Variants in TBC1D19 observed in about 807,000 individuals in gnomAD.
TBC1D19 encodes TBC1 domain family member 19.
A neutral mutation model predicts 89.0 loss-of-function variants in TBC1D19; 60 were observed. That is an observed-to-expected ratio of 0.67 (90% CI 0.55 to 0.84). TBC1D19 has a LOEUF of 0.84. TBC1D19 is among the 40% of genes least tolerant of loss of function. TBC1D19 has a pLI of 0.00. For synonymous variants in TBC1D19, 189 were observed against 199.7 expected (o/e 0.95, Z 0.45); for missense variants, 500 against 610.8 (o/e 0.82, Z 1.91).
chr4:26,730,526 T>TA (rs1485281429), intron 15 of TBC1D19, among the ~76,000 whole-genome samples: 1 of 152,208 alleles, frequency 6.6e-6, no homozygotes, highest in African/African-American at 2.4e-5. Context: ...GAGGCCCACC[T>TA]ACCATAAGTC....
intron 7 of TBC1D19, among the ~76,000 whole-genome samples, chr4:26,656,120 GA>G: frequency 6.6e-6 from 1 of 151,556 alleles, no homozygotes; most frequent in Admixed American, 6.6e-5. Flanking sequence ...CATGTTATTA[GA>G]AAAATAAAAA....
chr4:26,655,035 G>C (rs1050844859), intron 7 of TBC1D19, among the ~76,000 whole-genome samples: 1 of 152,122 alleles, frequency 6.6e-6, no homozygotes, highest in Non-Finnish European at 1.5e-5. Context: ...TGATGGTGAC[G>C]TACAGATGGG....
At chr4:26,827,414 G>A in the TBC1D19 span, among the ~76,000 whole-genome samples, 2 of 152,106 alleles carry the variant, frequency 1.3e-5, no homozygotes, top group Admixed American at 1.3e-4. Flanking sequence ...AGACCAGCCT[G>A]GCCAACATGG....
At chr4:26,663,158 G>C (rs567499297) in intron 8 of TBC1D19, 2 of 152,160 alleles carry the variant, frequency 1.3e-5, no homozygotes, top group East Asian at 3.9e-4. Flanking sequence ...AGTTGTTATG[G>C]GTTTAAGAAA....
chr4:26,641,532 C>G (rs750156111), intron 7 of TBC1D19, among the ~76,000 whole-genome samples: 1 of 152,176 alleles, frequency 6.6e-6, no homozygotes, highest in Non-Finnish European at 1.5e-5. Flanking sequence ...TCCAAAGGAT[C>G]GCAGCTCCTT....
At chr4:26,612,278 C>G (rs551919046) in intron 1 of TBC1D19, among the ~76,000 whole-genome samples, 1,565 of 151,302 alleles carry the variant, frequency 0.01, 10 homozygotes, top group Middle Eastern at 0.027. Flanking sequence ...AATCTCACTG[C>G]CACCAGTGCC....
the TBC1D19 span, among the ~76,000 whole-genome samples, chr4:26,814,474 G>C: frequency 6.6e-6 from 1 of 152,192 alleles, no homozygotes; most frequent in Non-Finnish European, 1.5e-5. Context: ...CCTACTCTGA[G>C]ATCAGACGTG....
At chr4:26,696,881 C>A (rs1176638837) in intron 13 of TBC1D19, among the ~76,000 whole-genome samples, 1 of 152,156 alleles carries the variant, frequency 6.6e-6, no homozygotes, top group African/African-American at 2.4e-5. Flanking sequence ...AAATTTATAG[C>A]ACTAAATGCC....
chr4:26,681,468 G>C (rs575648089), intron 11 of TBC1D19, among the ~76,000 whole-genome samples: 2 of 151,884 alleles, frequency 1.3e-5, no homozygotes, highest in Non-Finnish European at 2.9e-5. Flanking sequence ...GGAGAATGGC[G>C]TGAACCCAGG....
the TBC1D19 span, among the ~76,000 whole-genome samples, chr4:26,778,556 G>A: frequency 2.0e-5 from 3 of 152,124 alleles, no homozygotes; most frequent in African/African-American, 7.2e-5. Flanking sequence ...CAGAACCGAG[G>A]TCTGCTCAAC....
At chr4:26,773,348 G>A in the TBC1D19 span, among the ~76,000 whole-genome samples, 1 of 152,116 alleles carries the variant, frequency 6.6e-6, no homozygotes, top group Non-Finnish European at 1.5e-5. Context: ...TATGTTTCTT[G>A]TAGATTCTGG....
chr4:26,753,968 A>G, intron 20 of TBC1D19, 78 bp downstream of exon 20: 2 of 1,505,096 alleles, frequency 1.3e-6, no homozygotes, highest in Non-Finnish European at 1.8e-6. Context: ...TGTCTGTTGC[A>G]TAGGACACGC....
chr4:26,812,690 C>T, the TBC1D19 span, among the ~76,000 whole-genome samples: 3 of 151,960 alleles, frequency 2.0e-5, no homozygotes, highest in African/African-American at 7.3e-5. The surrounding 1 kb of genome is among the most constrained non-coding windows in gnomAD (Gnocchi z 4.2). Context: ...TTGCCATCCT[C>T]TTTTATCTTT....
intron 15 of TBC1D19, among the ~76,000 whole-genome samples, chr4:26,731,302 T>C (rs1253233407): frequency 6.6e-6 from 1 of 152,116 alleles, no homozygotes; most frequent in Non-Finnish European, 1.5e-5. Context: ...CCTATAGCCC[T>C]TGTCTTGCAC....
At chr4:26,817,990 A>ATATATATATATATATATATATATG in the TBC1D19 span, among the ~76,000 whole-genome samples, 1 of 144,262 alleles carries the variant, frequency 6.9e-6, no homozygotes, top group Non-Finnish European at 1.5e-5. Context: ...AAATATATAT[A>ATATATATATATATATATATATATG]TATATATATA....
At chr4:26,693,606 G>T (rs1714487507) in intron 13 of TBC1D19, among the ~76,000 whole-genome samples, 1 of 151,732 alleles carries the variant, frequency 6.6e-6, no homozygotes, top group Non-Finnish European at 1.5e-5. Flanking sequence ...GAGATGCGAG[G>T]ATCACTTTTG....
chr4:26,713,205 GA>G (rs1716320390), intron 13 of TBC1D19, among the ~76,000 whole-genome samples: 1 of 151,740 alleles, frequency 6.6e-6, no homozygotes, highest in Non-Finnish European at 1.5e-5. Context: ...TGATAATATC[GA>G]TTTTTAAAAA....
intron 6 of TBC1D19, among the ~76,000 whole-genome samples, chr4:26,639,278 C>T (rs1213263805): frequency 6.6e-6 from 1 of 152,040 alleles, no homozygotes; most frequent in Non-Finnish European, 1.5e-5. Flanking sequence ...TGTTGAACTC[C>T]TGGCCTCAAG....
chr4:26,661,313 A>G (rs1438253542), intron 8 of TBC1D19, among the ~76,000 whole-genome samples: 1 of 152,050 alleles, frequency 6.6e-6, no homozygotes, highest in African/African-American at 2.4e-5. Context: ...CCACTACCCT[A>G]CTTTCCCCAC....
Sources: gnomAD v4.1 joint callset for allele counts (sites outside exome capture counted in the v4.1 genomes callset) on GRCh38, gnomAD v4.1.1 for gene constraint, Gnocchi (gnomAD v3.1) non-coding constraint, MANE v1.5 for transcripts, NCBI Gene and HGNC (gene_info 2026-07-23, HGNC 2026-07-21) for gene names.